Variants in DPYD observed in about 807,000 individuals in gnomAD.
DPYD encodes the protein dihydropyrimidine dehydrogenase [NADP(+)].
DPYD carries 109 observed loss-of-function variants against 116.2 expected under a neutral mutation model. The ratio of observed to expected loss-of-function variants is 0.94; its 90% CI spans 0.80 to 1.10. The LOEUF (loss-of-function observed/expected upper bound fraction) is 1.10. DPYD is among the 50% of genes least tolerant of loss of function. DPYD has a pLI of 0.00. For synonymous variants in DPYD, 440 were observed against 432.0 expected (o/e 1.02, Z -0.23); for missense variants, 1,302 against 1,254.5 (o/e 1.04, Z -0.57).
chr1:97,564,974 T>C (rs1254301172), intron 11 of DPYD, among the ~76,000 whole-genome samples: 1 of 151,998 alleles, frequency 6.6e-6, no homozygotes, highest in Non-Finnish European at 1.5e-5. Context: ...CTCGCCTCTC[T>C]CCAAAACACT....
chr1:97,520,515 G>A (rs1383379908), intron 12 of DPYD, among the ~76,000 whole-genome samples: 1 of 151,944 alleles, frequency 6.6e-6, no homozygotes, highest in African/African-American at 2.4e-5. Context: ...TGAGTTCTGG[G>A]ATACATGTGC....
chr1:97,815,700 A>T (rs1409254140), intron 3 of DPYD, among the ~76,000 whole-genome samples: 1 of 152,196 alleles, frequency 6.6e-6, no homozygotes, highest in Non-Finnish European at 1.5e-5. Flanking sequence ...TGAGGAGCAA[A>T]ATGGAGTGGC....
intron 3 of DPYD, among the ~76,000 whole-genome samples, chr1:97,784,109 C>T (rs1487656047): frequency 1.3e-5 from 2 of 152,216 alleles, no homozygotes; most frequent in Non-Finnish European, 2.9e-5. Context: ...ATATGCAATA[C>T]TTGACTTCAT....
At position 97,684,562 on chromosome 1, in the gene DPYD, G is replaced by GAA. The variant is rs202231273; in HGVS notation, c.763-5382_763-5381dup. 1.8e-4 allele frequency among the ~76,000 whole-genome samples: 26 copies of GAA among 144,526 alleles called. No homozygotes were observed. In the East Asian group the frequency reaches 2.6e-3, roughly 14 times the overall value. The allele number at this position is 144,526 out of a possible 152,430, so 94.8% of individuals were successfully genotyped here. A position where few individuals can be genotyped will look rare whatever the true frequency, so the allele number is the denominator to read the frequency against. On this transcript the variant is annotated intron_variant, in intron 7 of 22. Transcript: ENST00000370192. ...GAATGAATCCGGGAGCTGGTTTTTT[G>GAA]AAAAAAAAATATATATATATATACA...
chr1:97,176,391 T>C (rs1161350041), intron 20 of DPYD, among the ~76,000 whole-genome samples: 1 of 152,152 alleles, frequency 6.6e-6, no homozygotes, highest in East Asian at 1.9e-4. Flanking sequence ...ACTACTGCTG[T>C]CATGCTCCCC....
intron 1 of DPYD, among the ~76,000 whole-genome samples, chr1:97,888,663 A>G (rs1013783534): frequency 6.6e-6 from 1 of 152,044 alleles, no homozygotes; most frequent in Non-Finnish European, 1.5e-5. Context: ...AAATAGTTTC[A>G]ATAAGTTTAA....
intron 18 of DPYD, among the ~76,000 whole-genome samples, chr1:97,258,704 T>G (rs1252114362): frequency 6.6e-6 from 1 of 152,150 alleles, no homozygotes; most frequent in African/African-American, 2.4e-5. Flanking sequence ...GACAGTTTCT[T>G]ACAGAAGTGA....
intron 20 of DPYD, among the ~76,000 whole-genome samples, chr1:97,135,280 T>C (rs1653698266): frequency 6.6e-6 from 1 of 152,204 alleles, no homozygotes. Context: ...TTATTAAGTG[T>C]TCATTAAATA....
intron 14 of DPYD, among the ~76,000 whole-genome samples, chr1:97,396,995 C>T (rs921394646): frequency 6.6e-6 from 1 of 152,070 alleles, no homozygotes; most frequent in African/African-American, 2.4e-5. Context: ...TCTTGTCCCA[C>T]TTCTCTTACC....
chr1:97,337,177 C>T (rs12754968), intron 16 of DPYD, among the ~76,000 whole-genome samples: 28,126 of 151,902 alleles, frequency 0.19, 3,362 homozygotes, highest in Non-Finnish European at 0.26. Flanking sequence ...TGGGAATGGA[C>T]CATGAAGAGG....
At chr1:97,182,940 C>G (rs554771876) in intron 20 of DPYD, among the ~76,000 whole-genome samples, 8 of 152,200 alleles carry the variant, frequency 5.3e-5, no homozygotes, top group African/African-American at 1.9e-4. Context: ...ACAAGTTCTT[C>G]ATGAGATACA....
intron 20 of DPYD, among the ~76,000 whole-genome samples, chr1:97,142,914 A>C (rs1183284146): frequency 6.6e-6 from 1 of 152,038 alleles, no homozygotes; most frequent in Non-Finnish European, 1.5e-5. Flanking sequence ...TATTGCTTTC[A>C]TTTTTAGTTT....
chr1:97,121,617 T>C (rs1385186728), intron 20 of DPYD, among the ~76,000 whole-genome samples: 2 of 152,098 alleles, frequency 1.3e-5, no homozygotes, highest in African/African-American at 4.8e-5. Context: ...AACAACTCTG[T>C]TGGAAAGAAA....
intron 3 of DPYD, among the ~76,000 whole-genome samples, chr1:97,788,299 T>G (rs1204529862): frequency 6.6e-6 from 1 of 152,208 alleles, no homozygotes; most frequent in Non-Finnish European, 1.5e-5. Flanking sequence ...TTAAAGAAGC[T>G]TGGTAACTTC....
Position 97,686,509 on chromosome 1 carries a change from A to T in DPYD, c.762+5208T>A, listed in dbSNP as rs113066173. 4.1e-3 allele frequency among the ~76,000 whole-genome samples: 620 copies of T among 150,568 alleles called. 2 individuals carry two copies. The highest frequency in any genetic ancestry group is 5.9e-3 in the Non-Finnish European group (398 of 67,526). Reference sequence around the variant, plus strand: ...AAAATTAGCCGGGCGTGGTAGCGGGAGCCTGTAGTCCCAGCTACTCGGGAG... The same window carrying T: ...AAAATTAGCCGGGCGTGGTAGCGGGTGCCTGTAGTCCCAGCTACTCGGGAG... On this transcript the variant is annotated intron_variant, in intron 7 of 22. Transcript: ENST00000370192.
intron 4 of DPYD, among the ~76,000 whole-genome samples, chr1:97,738,274 A>G (rs922576606): frequency 1.3e-5 from 2 of 152,158 alleles, no homozygotes; most frequent in Non-Finnish European, 2.9e-5. Flanking sequence ...TGTACTTCCA[A>G]TTGAGAGATA....
intron 6 of DPYD, among the ~76,000 whole-genome samples, chr1:97,692,605 G>A (rs1661068435): frequency 6.6e-6 from 1 of 152,134 alleles, no homozygotes; most frequent in Non-Finnish European, 1.5e-5. Context: ...CTCATTAAAA[G>A]TGAATAGTGC....
chr1:97,392,534 T>G (rs748628992), intron 14 of DPYD, among the ~76,000 whole-genome samples: 1 of 152,074 alleles, frequency 6.6e-6, no homozygotes, highest in Non-Finnish European at 1.5e-5. Flanking sequence ...CTCTGTAGCA[T>G]GTGATGCTGT....
At chr1:97,288,780 G>C (rs1483464007) in intron 18 of DPYD, among the ~76,000 whole-genome samples, 1 of 150,918 alleles carries the variant, frequency 6.6e-6, no homozygotes, top group Non-Finnish European at 1.5e-5. Context: ...AAAAGAACTA[G>C]AAAAGCAAGA....
Sources: gnomAD v4.1 joint callset for allele counts (sites outside exome capture counted in the v4.1 genomes callset) on GRCh38, gnomAD v4.1.1 for gene constraint, MANE v1.5 for transcripts, NCBI Gene and HGNC (gene_info 2026-07-23, HGNC 2026-07-21) for gene names.